KIRREL1: variants seen among roughly 807,000 people sequenced by gnomAD.
The protein encoded by KIRREL1 is kin of IRRE-like protein 1.
Under a neutral mutation model 83.3 loss-of-function variants are expected in KIRREL1, and 25 were observed. The observed-to-expected ratio is 0.30, with a 90% CI of 0.22 to 0.42. KIRREL1 has a LOEUF of 0.42. Among genes scored for constraint, KIRREL1 ranks in the 10% least tolerant of loss-of-function variants. KIRREL1 has a pLI of 1.00. For synonymous variants in KIRREL1, 388 were observed against 410.4 expected (o/e 0.95, Z 0.66); for missense variants, 812 against 1,032.3 (o/e 0.79, Z 2.92).
chr1:158,081,291 A>C (rs947396707), intron 3 of KIRREL1, among the ~76,000 whole-genome samples: 2 of 152,150 alleles, frequency 1.3e-5, no homozygotes, highest in African/African-American at 4.8e-5. Flanking sequence ...TTATCTGTAA[A>C]TTGGGGTTAA....
At chr1:158,086,526 T>C (rs1249036072) in intron 4 of KIRREL1, 70 bp from the exon 5 acceptor site, 2 of 1,487,620 alleles carry the variant, frequency 1.3e-6, no homozygotes, top group African/African-American at 2.8e-5. Flanking sequence ...CATCTCTGAG[T>C]GAGGTCAACT....
chr1:158,064,121 G>T (rs1184368325), intron 1 of KIRREL1, among the ~76,000 whole-genome samples: 1 of 152,228 alleles, frequency 6.6e-6, no homozygotes, highest in Non-Finnish European at 1.5e-5. Flanking sequence ...TATGGTGTGT[G>T]TGGATGATGC....
chr1:158,085,901 A>G lies in KIRREL1; in HGVS notation c.511-695A>G, dbSNP rs139124836. On this transcript the variant is annotated intron_variant, in intron 4 of 14. Transcript: ENST00000359209. ...AGAAACCCAACCCTGAAACACGCAC[A>G]CATGGTGCCTACAAGCAAGGTTGGA... 1.2e-3 allele frequency among the ~76,000 whole-genome samples: 176 copies of G among 152,304 alleles called. 1 individual carries two copies. The highest frequency in any genetic ancestry group is 4.1e-3 in the African/African-American group (169 of 41,568).
At chr1:158,033,691 A>C (rs541921296) in intron 1 of KIRREL1, among the ~76,000 whole-genome samples, 12 of 152,252 alleles carry the variant, frequency 7.9e-5, no homozygotes, top group Non-Finnish European at 1.5e-4. Context: ...ATAGAAAATG[A>C]AGTTTTCGGC....
In KIRREL1 at chr1:158,097,988, T is replaced by C. The variant is rs1662397028; in HGVS notation, c.*2868T>C. On this transcript the variant is annotated 3_prime_UTR_variant, in exon 15 of 15. Coordinates refer to ENST00000359209, the MANE Select transcript of KIRREL1 (RefSeq NM_018240.7). The stretch of plus-strand genomic sequence containing the variant: ...TTTGTTATACCCATAGGGTTGGGGG[T>C]AGGGATGGGACTGCCCATTGCTGGC... 2 of 151,686 alleles carry C rather than the reference T, an allele frequency of 1.3e-5. No individual in the cohort carries two copies. Among genetic ancestry groups the C allele is most frequent in the South Asian group, 2.1e-4 (1 of 4,788 alleles). 9.4% of individuals were successfully genotyped at this position (151,686 alleles called of 1,614,324 possible).
At chr1:158,072,698 CG>C (rs1661550689) in intron 1 of KIRREL1, among the ~76,000 whole-genome samples, 1 of 151,864 alleles carries the variant, frequency 6.6e-6, no homozygotes, top group Non-Finnish European at 1.5e-5. Context: ...AACTTGGAGT[CG>C]GTCCTGGGAA....
chr1:158,059,207 C>T (rs949222632), intron 1 of KIRREL1, among the ~76,000 whole-genome samples: 1 of 152,188 alleles, frequency 6.6e-6, no homozygotes, highest in African/African-American at 2.4e-5. Context: ...CACTTACTCC[C>T]TGTCAGATTT....
chr1:158,078,068 G>C lies in KIRREL1; in HGVS notation c.280G>C (p.Asp94His). 6.2e-7 allele frequency: 1 copy of C among 1,614,158 alleles called. No individual in the cohort carries two copies. The highest frequency in any genetic ancestry group is 8.5e-7 in the Non-Finnish European group (1 of 1,180,026). ...NLEITDAELS[D>H]DASYECQATE... ...GGAGATCACAGATGCTGAGCTCTCTGACGACGCCTCTTACGAGTGCCAGGC... is the reference window on the plus strand; with the variant it reads ...GGAGATCACAGATGCTGAGCTCTCTCACGACGCCTCTTACGAGTGCCAGGC... The change falls in exon 3 of 15, where the codon GAC becomes CAC. Residue 94 changes from aspartate to histidine, a missense_variant. Coordinates refer to ENST00000359209, the MANE Select transcript of KIRREL1 (RefSeq NM_018240.7).
At position 158,084,458 on chromosome 1, in the gene KIRREL1, T is replaced by G; in HGVS notation, c.389T>G (p.Val130Gly). The stretch of plus-strand genomic sequence containing the variant: ...GACACCAGGATTGACGGAGGCCCTG[T>G]GATTCTACTGCAGGCAGGCACCCCC... ...PEDTRIDGGP[V>G]ILLQAGTPHN... Residue 130 changes from valine (V) to glycine (G), a missense_variant, in exon 4 of 15, where the codon GTG becomes GGG. Physicochemically the swap from Val to Gly is moderately radical, Grantham distance 109. This residue lies in a region of KIRREL1 where 472 missense variants were observed against 626.8 expected (regional missense o/e 0.75). Transcript: ENST00000359209. The G allele has an allele frequency of 6.4e-7, 1 of 1,551,812 alleles. No individual in the cohort carries two copies. The highest frequency in any genetic ancestry group is 8.7e-7 in the Non-Finnish European group (1 of 1,147,020).
At chr1:158,030,508 T>C (rs748473322) in intron 1 of KIRREL1, among the ~76,000 whole-genome samples, 1 of 152,060 alleles carries the variant, frequency 6.6e-6, no homozygotes, top group African/African-American at 2.4e-5. Flanking sequence ...AGTTCTGGAG[T>C]CAGAAGATCT....
In KIRREL1 at chr1:158,086,579, C is replaced by A; in HGVS notation, c.511-17C>A. 1 of 1,551,564 alleles carries A rather than the reference C, an allele frequency of 6.4e-7. No individual in the cohort carries two copies. The highest frequency in any genetic ancestry group is 1.2e-5 in the South Asian group (1 of 84,008). ...GCTTTTAGCTTAACCATATCTCCCA[C>A]CCTTGTCATGTTCCAGGAATTGCTG... is the stretch of plus-strand genomic sequence containing the variant. On this transcript the variant is annotated splice_polypyrimidine_tract_variant and intron_variant, in intron 4 of 14. Coordinates refer to ENST00000359209, the MANE Select transcript of KIRREL1 (RefSeq NM_018240.7).
At chr1:158,000,564 G>A (rs1659334082) in intron 1 of KIRREL1, among the ~76,000 whole-genome samples, 1 of 152,156 alleles carries the variant, frequency 6.6e-6, no homozygotes, top group Non-Finnish European at 1.5e-5. Context: ...TTAAGTTCTT[G>A]GAGCATCCAG....
chr1:158,083,926 G>A (rs1249262128), intron 3 of KIRREL1, among the ~76,000 whole-genome samples: 3 of 152,114 alleles, frequency 2.0e-5, no homozygotes, highest in African/African-American at 7.2e-5. Context: ...TCAGGAGTTC[G>A]AGACCAGTCT....
intron 1 of KIRREL1, among the ~76,000 whole-genome samples, chr1:158,059,146 C>T (rs544147108): frequency 1.3e-4 from 20 of 152,278 alleles, no homozygotes; most frequent in Middle Eastern, 3.4e-3. Context: ...CCAGGGTCAG[C>T]GCTGTGGGTG....
At chr1:158,093,560 C>T in intron 12 of KIRREL1, 63 bp from the exon 13 acceptor site, 1 of 1,609,194 alleles carries the variant, frequency 6.2e-7, no homozygotes, top group East Asian at 2.2e-5. Flanking sequence ...CAGAGGGAGC[C>T]AGAAGCAGCC....
chr1:158,000,300 A>C (rs1659325557), intron 1 of KIRREL1, among the ~76,000 whole-genome samples: 1 of 152,230 alleles, frequency 6.6e-6, no homozygotes, highest in African/African-American at 2.4e-5. Context: ...CCAGAGCACT[A>C]GTGTGCAACA....
chr1:158,058,667 T>C (rs1167575290), intron 1 of KIRREL1, among the ~76,000 whole-genome samples: 1 of 152,126 alleles, frequency 6.6e-6, no homozygotes, highest in Non-Finnish European at 1.5e-5. Context: ...TAGCAAGAAA[T>C]AGTTGGAAGC....
In KIRREL1 at chr1:158,099,865, A is replaced by T. The variant is rs1662447484; in HGVS notation, c.*4745A>T. The T allele has an allele frequency of 6.6e-6, 1 of 152,090 alleles. No homozygotes were observed. Among genetic ancestry groups the T allele is most frequent in the South Asian group, 2.1e-4 (1 of 4,822 alleles). The allele number at this position is 152,090 out of a possible 1,614,324, so 9.4% of individuals were successfully genotyped here. On this transcript the variant is annotated 3_prime_UTR_variant, in exon 15 of 15. Transcript: ENST00000359209. ...CAAAATCCCAATACAGTAAAACTCC[A>T]CACAATCTTGTTAGCAACAGTGACC...
intron 3 of KIRREL1, among the ~76,000 whole-genome samples, chr1:158,079,439 C>G (rs1661781809): frequency 6.6e-6 from 1 of 152,206 alleles, no homozygotes; most frequent in South Asian, 2.1e-4. Flanking sequence ...TGTGCCTAAG[C>G]CTCCTGAGTG....
Sources: gnomAD v4.1 joint callset for allele counts (sites outside exome capture counted in the v4.1 genomes callset) on GRCh38, gnomAD v4.1.1 for gene constraint, gnomAD v4.1.1 regional missense constraint, MANE v1.5 for transcripts, NCBI Gene and HGNC (gene_info 2026-07-23, HGNC 2026-07-21) for gene names.